NRXN1: variants seen among roughly 807,000 people sequenced by gnomAD.
NRXN1 encodes neurexin 1.
NRXN1 carries 39 observed loss-of-function variants against 150.9 expected under a neutral mutation model. The ratio of observed to expected loss-of-function variants is 0.26; its 90% CI spans 0.20 to 0.34. The LOEUF (loss-of-function observed/expected upper bound fraction) is 0.34. Ranked by LOEUF, NRXN1 falls within the 10% of genes least tolerant of loss-of-function variation. The probability of loss-of-function intolerance (pLI) is 1.00; values close to 1 mark genes in which losing one functional copy is unlikely to be tolerated. For missense variants in NRXN1, 1,815 were observed against 1,949.9 expected (o/e 0.93, Z 1.30); for synonymous variants, 924 against 757.0 (o/e 1.22, Z -3.62).
chr2:50,158,960 C>A (rs1048160132), intron 18 of NRXN1, among the ~76,000 whole-genome samples: 5 of 151,980 alleles, frequency 3.3e-5, no homozygotes, highest in African/African-American at 1.2e-4. Flanking sequence ...GATCACCTAC[C>A]ATTCATCACA....
intron 1 of NRXN1, among the ~76,000 whole-genome samples, chr2:51,030,254 T>G (rs3806576): frequency 0.093 from 14,085 of 152,076 alleles, 757 homozygotes; most frequent in South Asian, 0.17. Flanking sequence ...ACACACACAC[T>G]GCAATATATA....
rs142702956 is a variant in NRXN1, at chr2:50,286,469, T to A, written c.3365-49499A>T. Among the ~76,000 whole-genome samples the A allele has an allele frequency of 3.9e-5, 6 of 152,318 alleles. No individual in the cohort carries two copies. The East Asian group carries it at 1.2e-3, about 29-fold the overall frequency. On this transcript the variant is annotated intron_variant, in intron 17 of 22. Transcript: ENST00000401669. ...GTTGCAATTGACAGAATTTCCATCT[T>A]TATTATGGCTGGATAGTAGTCTGTT...
At chr2:49,940,644 A>G (rs1671823438) in intron 22 of NRXN1, among the ~76,000 whole-genome samples, 1 of 152,236 alleles carries the variant, frequency 6.6e-6, no homozygotes, top group Non-Finnish European at 1.5e-5. Flanking sequence ...ATATAAACTA[A>G]GAATTTCATT....
At chr2:50,227,532 G>T (rs2064515601) in intron 18 of NRXN1, among the ~76,000 whole-genome samples, 1 of 151,980 alleles carries the variant, frequency 6.6e-6, no homozygotes, top group Non-Finnish European at 1.5e-5. Flanking sequence ...CAAAATTACT[G>T]CTGAAAGTGG....
chr2:51,016,550 T>C (rs1668692543), intron 2 of NRXN1, among the ~76,000 whole-genome samples: 1 of 151,956 alleles, frequency 6.6e-6, no homozygotes, highest in South Asian at 2.1e-4. Flanking sequence ...AAAACCACAA[T>C]GAGATACCAT....
chr2:50,461,866 C>CA (rs2088259526), intron 17 of NRXN1, among the ~76,000 whole-genome samples: 4 of 151,754 alleles, frequency 2.6e-5, no homozygotes, highest in African/African-American at 9.7e-5. Context: ...GAATGCATTC[C>CA]AGGTGGAATG....
intron 18 of NRXN1, among the ~76,000 whole-genome samples, chr2:50,092,497 G>A (rs993037419): frequency 2.0e-5 from 3 of 152,266 alleles, no homozygotes; most frequent in East Asian, 3.9e-4. Flanking sequence ...TCAAACCTCA[G>A]TTGAGAGAAA....
At chr2:50,321,182 T>C (rs1256213141) in intron 17 of NRXN1, among the ~76,000 whole-genome samples, 1 of 152,168 alleles carries the variant, frequency 6.6e-6, no homozygotes, top group Non-Finnish European at 1.5e-5. Context: ...TTCAGAGAGA[T>C]AGCACAGTAT....
At chr2:50,289,720 T>C (rs1163526546) in intron 17 of NRXN1, among the ~76,000 whole-genome samples, 4 of 152,126 alleles carry the variant, frequency 2.6e-5, no homozygotes, top group African/African-American at 4.8e-5. Flanking sequence ...ATTTATATAA[T>C]TTATAAATAG....
rs568119907 is a variant in NRXN1 at position 50,588,513 on chromosome 2, T to A, written c.1320+31509A>T. The stretch of plus-strand genomic sequence containing the variant: ...TGCTGAATGTCTGACTCCTCCGACT[T>A]CATCCATTACTGAAAAATTTGTAAT... On this transcript the variant is annotated intron_variant, in intron 8 of 22. Coordinates refer to ENST00000401669, the MANE Select transcript of NRXN1 (RefSeq NM_001330078.2). Among the ~76,000 whole-genome samples, 5 of 152,306 alleles carry A rather than the reference T, an allele frequency of 3.3e-5. No individual in the cohort carries two copies. The East Asian group carries it at 9.6e-4, about 29-fold the overall frequency.
At chr2:50,524,006 C>T (rs1053551642) in intron 12 of NRXN1, among the ~76,000 whole-genome samples, 3 of 151,608 alleles carry the variant, frequency 2.0e-5, no homozygotes, top group Non-Finnish European at 4.4e-5. Context: ...AAAAAGATAA[C>T]GGAAGAAACA....
chr2:50,097,343 C>T (rs1247847689), intron 18 of NRXN1, among the ~76,000 whole-genome samples: 2 of 152,148 alleles, frequency 1.3e-5, no homozygotes, highest in Admixed American at 6.6e-5. Context: ...CCACTTTGGA[C>T]AGAACTCAAC....
chr2:50,656,492 C>A, intron 5 of NRXN1: 1 of 686,160 alleles, frequency 1.5e-6, no homozygotes, highest in Non-Finnish European at 2.7e-6. Context: ...TTCACACCAA[C>A]TGAGGTCTGG....
intron 5 of NRXN1, among the ~76,000 whole-genome samples, chr2:50,842,945 G>A (rs918261727): frequency 2.0e-5 from 3 of 152,078 alleles, no homozygotes; most frequent in Non-Finnish European, 4.4e-5. Context: ...ACTGTTAAAA[G>A]GATTTTATGC....
At chr2:50,271,472 T>C (rs1453148157) in intron 17 of NRXN1, among the ~76,000 whole-genome samples, 2 of 152,198 alleles carry the variant, frequency 1.3e-5, no homozygotes, top group African/African-American at 2.4e-5. Flanking sequence ...TAGGAATGGT[T>C]ATTTCCATAA....
chr2:50,128,076 C>T (rs1002509538), intron 18 of NRXN1, among the ~76,000 whole-genome samples: 2 of 152,088 alleles, frequency 1.3e-5, no homozygotes, highest in African/African-American at 4.8e-5. Flanking sequence ...AGATTGGTTA[C>T]TGGGTAAGAA....
chr2:49,968,245 C>G (rs1262637249), intron 21 of NRXN1, among the ~76,000 whole-genome samples: 2 of 151,960 alleles, frequency 1.3e-5, no homozygotes, highest in Non-Finnish European at 2.9e-5. Flanking sequence ...CCCTAAGGGT[C>G]TGAGACAGTT....
rs373580355 is a variant in NRXN1 at position 50,623,520 on chromosome 2, G to A, written c.928C>T (p.Leu310=). The A allele has an allele frequency of 6.2e-7, 1 of 1,612,780 alleles. No individual in the cohort carries two copies. The part of the protein sequence containing the change: ...PIQSSSDEIT[L]SFKTLQRNGL... ...TTCCTCTGAAGGGTTTTAAATGACA[G>A]AGTTATTTCATCACTGCTGCTTTGA... Residue 310 remains leucine, a synonymous_variant, in exon 6 of 23, where the codon CTG becomes TTG. Transcript: ENST00000401669.
At chr2:50,584,042 T>C (rs1413192894) in intron 8 of NRXN1, among the ~76,000 whole-genome samples, 1 of 152,120 alleles carries the variant, frequency 6.6e-6, no homozygotes, top group Non-Finnish European at 1.5e-5. Context: ...CTTCTAACCA[T>C]ACAGAAAGAA....
Sources: gnomAD v4.1 joint callset for allele counts (sites outside exome capture counted in the v4.1 genomes callset) on GRCh38, gnomAD v4.1.1 for gene constraint, MANE v1.5 for transcripts, NCBI Gene and HGNC (gene_info 2026-07-23, HGNC 2026-07-21) for gene names.